The following PLS1 variants were observed in gnomAD, a reference collection of about 807,000 sequenced individuals.
The protein encoded by PLS1 is plastin-1.
In PLS1, 32 loss-of-function variants were observed where a neutral mutation model predicts 73.7. That is an observed-to-expected ratio of 0.43 (90% CI 0.33 to 0.58). PLS1 has a LOEUF of 0.58. Among genes scored for constraint, PLS1 ranks in the 20% least tolerant of loss-of-function variants. The pLI, the probability that PLS1 is intolerant of heterozygous loss-of-function variation, is 0.04. For synonymous variants in PLS1, 217 were observed against 261.3 expected (o/e 0.83, Z 1.63); for missense variants, 633 against 740.5 (o/e 0.85, Z 1.68).
intron 1 of PLS1, among the ~76,000 whole-genome samples, chr3:142,621,710 A>T (rs1270348520): frequency 6.6e-6 from 1 of 152,224 alleles, no homozygotes; most frequent in East Asian, 1.9e-4. Context: ...AATACTTTTA[A>T]TGCTGCATAT....
At chr3:142,638,557 T>C (rs995477703) in intron 1 of PLS1, among the ~76,000 whole-genome samples, 19 of 152,186 alleles carry the variant, frequency 1.2e-4, no homozygotes, top group Non-Finnish European at 2.4e-4. Context: ...TTAAACTCTT[T>C]CTAGCCATAC....
chr3:142,698,323 A>G, intron 12 of PLS1: 1 of 298,874 alleles, frequency 3.3e-6, no homozygotes, highest in Non-Finnish European at 6.2e-6. Context: ...TGTCCTGTAA[A>G]TGTATTCTTT....
intron 1 of PLS1, among the ~76,000 whole-genome samples, chr3:142,628,590 A>T (rs2036484507): frequency 6.6e-6 from 1 of 152,218 alleles, no homozygotes; most frequent in Non-Finnish European, 1.5e-5. Flanking sequence ...ATTAGAAAAC[A>T]CTTAAATGTG....
At chr3:142,671,214 T>A in intron 4 of PLS1, 92 bp downstream of exon 4, 1 of 1,107,844 alleles carries the variant, frequency 9.0e-7, no homozygotes, top group Non-Finnish European at 1.3e-6. Context: ...TCATTGTGAT[T>A]CATACCGTTA....
At chr3:142,606,120 G>T (rs752071373) in intron 1 of PLS1, among the ~76,000 whole-genome samples, 1 of 152,168 alleles carries the variant, frequency 6.6e-6, no homozygotes, top group Non-Finnish European at 1.5e-5. Flanking sequence ...GGTACACAAT[G>T]ATACCCATTT....
At chr3:142,642,114 A>G (rs2036855630) in intron 1 of PLS1, among the ~76,000 whole-genome samples, 1 of 152,114 alleles carries the variant, frequency 6.6e-6, no homozygotes, top group Non-Finnish European at 1.5e-5. Flanking sequence ...AAACATTTCT[A>G]CATGTTTCCC....
intron 1 of PLS1, among the ~76,000 whole-genome samples, chr3:142,618,835 G>A (rs1332324243): frequency 6.6e-6 from 1 of 152,126 alleles, no homozygotes; most frequent in Non-Finnish European, 1.5e-5. Context: ...AATAACCTAA[G>A]ACAATCTGCC....
At chr3:142,663,862 A>T (rs1433786534) in intron 1 of PLS1, among the ~76,000 whole-genome samples, 1 of 152,240 alleles carries the variant, frequency 6.6e-6, no homozygotes, top group Non-Finnish European at 1.5e-5. Context: ...ACATTTATAA[A>T]TGCTATACTT....
intron 1 of PLS1, among the ~76,000 whole-genome samples, chr3:142,658,435 C>T (rs1221564765): frequency 1.3e-5 from 2 of 150,450 alleles, no homozygotes; most frequent in African/African-American, 4.9e-5. Context: ...GAGATCATGC[C>T]ACTGCACTCC....
chr3:142,605,322 A>G (rs566521912), intron 1 of PLS1, among the ~76,000 whole-genome samples: 2 of 152,258 alleles, frequency 1.3e-5, no homozygotes, highest in South Asian at 4.1e-4. Context: ...TGAAACTGCC[A>G]GAAATTAAAC....
intron 14 of PLS1, among the ~76,000 whole-genome samples, chr3:142,708,337 C>A (rs1291513839): frequency 6.6e-6 from 1 of 152,228 alleles, no homozygotes; most frequent in African/African-American, 2.4e-5. Flanking sequence ...ACCTCTGCCT[C>A]CCAGGGTCAA....
chr3:142,687,328 G>A (rs1199179944), intron 9 of PLS1, among the ~76,000 whole-genome samples: 3 of 152,082 alleles, frequency 2.0e-5, no homozygotes, highest in Non-Finnish European at 2.9e-5. Flanking sequence ...CCCACCGGCC[G>A]TGGGTTGGAC....
chr3:142,706,337 G>A (rs1156691188), intron 14 of PLS1, among the ~76,000 whole-genome samples: 1 of 152,128 alleles, frequency 6.6e-6, no homozygotes, highest in African/African-American at 2.4e-5. Context: ...CAATTGAATG[G>A]TCAGTGAAGA....
intron 12 of PLS1, among the ~76,000 whole-genome samples, chr3:142,698,693 C>T (rs1366486391): frequency 1.3e-5 from 2 of 152,092 alleles, no homozygotes; most frequent in African/African-American, 2.4e-5. Flanking sequence ...TAAAGAAATG[C>T]AATTTAAAAC....
Position 142,671,022 on chromosome 3 carries a change from C to T in PLS1, c.264C>T (p.Ile88=), listed in dbSNP as rs1328702819. 3.8e-6 allele frequency: 6 copies of T among 1,599,860 alleles called. No individual in the cohort carries two copies. Among genetic ancestry groups the T allele is most frequent in the Non-Finnish European group, 4.3e-6 (5 of 1,168,768 alleles). Residue 88 remains isoleucine, a synonymous_variant, in exon 4 of 16, where the codon ATC becomes ATT. Coordinates refer to ENST00000457734, the MANE Select transcript of PLS1 (RefSeq NM_001145319.2). ...TGCAAGAATTAAAAAGCAAAGATAT[C>T]AGCAAAACATTCCGAAAAATAATTA... ...SLMQELKSKD[I]SKTFRKIINK...
chr3:142,704,665 T>C (rs994429010), intron 14 of PLS1, 79 bp downstream of exon 14: 11 of 552,186 alleles, frequency 2.0e-5, no homozygotes, highest in Non-Finnish European at 2.5e-5. Flanking sequence ...TTTTTTTTTT[T>C]GGAGATGGAG....
At chr3:142,676,426 AG>A (rs2037726849) in intron 5 of PLS1, 137 bp downstream of exon 5, 19 of 814,412 alleles carry the variant, frequency 2.3e-5, no homozygotes. Context: ...TATATTGCAT[AG>A]AAAATGAACT....
chr3:142,653,595 C>T (rs1396812630), intron 1 of PLS1, among the ~76,000 whole-genome samples: 1 of 152,076 alleles, frequency 6.6e-6, no homozygotes, highest in African/African-American at 2.4e-5. Context: ...ATCTCCTGAG[C>T]TCAAGCGATC....
intron 11 of PLS1, among the ~76,000 whole-genome samples, chr3:142,695,606 A>T (rs933805270): frequency 7.2e-5 from 11 of 152,318 alleles, no homozygotes; most frequent in Admixed American, 7.2e-4. Context: ...ATATATAGTC[A>T]AGAAAAAAGA....
Sources: allele counts gnomAD v4.1 joint callset (sites outside exome capture counted in the v4.1 genomes callset), GRCh38; gene constraint gnomAD v4.1.1; transcripts MANE v1.5; gene names NCBI Gene and HGNC (gene_info 2026-07-23, HGNC 2026-07-21).